DNER: variants seen among roughly 807,000 people sequenced by gnomAD.
DNER encodes delta/notch like EGF repeat containing, also known as delta and Notch-like epidermal growth factor-related receptor.
In DNER, 33 loss-of-function variants were observed where a neutral mutation model predicts 78.2. The observed-to-expected ratio is 0.42, with a 90% CI of 0.32 to 0.56. DNER has a LOEUF of 0.56. Ranked by LOEUF, DNER falls within the 20% of genes least tolerant of loss-of-function variation. DNER has a pLI of 0.11. For synonymous variants in DNER, 417 were observed against 384.8 expected (o/e 1.08, Z -0.98); for missense variants, 918 against 975.3 (o/e 0.94, Z 0.78).
Position 229,714,247 on chromosome 2 carries a change from G to A in DNER, c.177C>T (p.Cys59=). 2.1e-6 allele frequency: 3 copies of A among 1,419,768 alleles called. No individual in the cohort carries two copies. Among genetic ancestry groups the A allele is most frequent in the Non-Finnish European group, 2.8e-6 (3 of 1,089,312 alleles). The allele number at this position is 1,419,768 out of a possible 1,614,324, so 87.9% of individuals were successfully genotyped here. ...GCGGGTCCGGCTCAGGGCGCGAGGT[G>A]CACACACCCCCATTCCGGCAGGGCT... ...AAQPCRNGGV[C]TSRPEPDPQH... Residue 59 remains cysteine, a synonymous_variant, in exon 1 of 13, where the codon TGC becomes TGT. Coordinates refer to ENST00000341772, the MANE Select transcript of DNER (RefSeq NM_139072.4).
intron 5 of DNER, among the ~76,000 whole-genome samples, chr2:229,530,125 T>A (rs542091335): frequency 1.4e-4 from 22 of 151,966 alleles, no homozygotes; most frequent in African/African-American, 4.6e-4. Flanking sequence ...CAAAAAAAAA[T>A]TTTAAGTTTT....
chr2:229,681,827 A>AAC (rs72248647), intron 1 of DNER, among the ~76,000 whole-genome samples: 13,270 of 144,300 alleles, frequency 0.092, 625 homozygotes, highest in Admixed American at 0.096. Context: ...CTCTGCCTAA[A>AAC]ACACACACAC....
rs1408674008 is a variant in DNER, at chr2:229,514,129, T to A, written c.994-1193A>T. On this transcript the variant is annotated intron_variant, in intron 5 of 12. Transcript: ENST00000341772. ...AAATTTACTCCTGAATATTTATGTT[T>A]TTGTAGCTATTGATAATGAAATATC... 2.6e-5 allele frequency among the ~76,000 whole-genome samples: 4 copies of A among 152,216 alleles called. No individual in the cohort carries two copies. The East Asian group carries it at 7.7e-4, about 29-fold the overall frequency.
chr2:229,422,316 G>C (rs149523702), intron 8 of DNER, among the ~76,000 whole-genome samples: 70 of 152,298 alleles, frequency 4.6e-4, no homozygotes, highest in Non-Finnish European at 9.3e-4. Flanking sequence ...AAAAAATTAG[G>C]CTAATCCAAA....
chr2:229,450,124 C>T (rs1406843065), intron 7 of DNER, among the ~76,000 whole-genome samples: 1 of 152,148 alleles, frequency 6.6e-6, no homozygotes, highest in Non-Finnish European at 1.5e-5. Flanking sequence ...TTTTGTTCCT[C>T]CAGAAGAACT....
intron 1 of DNER, among the ~76,000 whole-genome samples, chr2:229,617,590 T>G (rs1698187863): frequency 6.6e-6 from 1 of 152,242 alleles, no homozygotes; most frequent in Non-Finnish European, 1.5e-5. Context: ...GTAAGTCATT[T>G]ATTTCCATAC....
intron 11 of DNER, among the ~76,000 whole-genome samples, chr2:229,382,665 TA>T (rs2106333183): frequency 6.6e-6 from 1 of 151,598 alleles, no homozygotes; most frequent in African/African-American, 2.4e-5. Flanking sequence ...AGAAAGGATA[TA>T]AGAGACTGAA....
chr2:229,565,151 G>T (rs1022291194), intron 4 of DNER, among the ~76,000 whole-genome samples: 1 of 152,160 alleles, frequency 6.6e-6, no homozygotes, highest in Non-Finnish European at 1.5e-5. Context: ...GTCCTAAGTG[G>T]AACTTAGAAT....
intron 1 of DNER, among the ~76,000 whole-genome samples, chr2:229,642,663 T>C (rs1423135806): frequency 2.6e-5 from 4 of 152,116 alleles, no homozygotes; most frequent in Admixed American, 1.3e-4. Context: ...TGTAAGGAGA[T>C]TGTGTAAAAA....
chr2:229,651,152 G>T lies in DNER; in HGVS notation c.277-59264C>A, dbSNP rs560748430. 1.9e-3 allele frequency among the ~76,000 whole-genome samples: 286 copies of T among 152,296 alleles called. 7 individuals carry two copies. The highest frequency in any genetic ancestry group is 2.5e-3 in the Non-Finnish European group (169 of 68,024). On this transcript the variant is annotated intron_variant, in intron 1 of 12. Transcript: ENST00000341772. ...CATCCCAGGAAAGGACCATTCACTG[G>T]TTACTGCTTCCCAGAGCCTCCCTGA...
chr2:229,657,287 T>A (rs1698928897), intron 1 of DNER, among the ~76,000 whole-genome samples: 1 of 152,198 alleles, frequency 6.6e-6, no homozygotes, highest in Admixed American at 6.5e-5. Context: ...GTCCTCCAGG[T>A]TCATCCATGT....
chr2:229,505,730 C>T (rs141528910), intron 6 of DNER, among the ~76,000 whole-genome samples: 29 of 152,304 alleles, frequency 1.9e-4, no homozygotes, highest in Non-Finnish European at 3.7e-4. Flanking sequence ...AAATTATACA[C>T]GTTTCAAGAA....
chr2:229,646,283 G>T (rs1698716916), intron 1 of DNER, among the ~76,000 whole-genome samples: 1 of 152,106 alleles, frequency 6.6e-6, no homozygotes, highest in South Asian at 2.1e-4. Context: ...ATATTGCTTG[G>T]ATTGCCAAGA....
chr2:229,432,863 C>T (rs957232101), intron 8 of DNER, among the ~76,000 whole-genome samples: 132 of 152,216 alleles, frequency 8.7e-4, no homozygotes, highest in Non-Finnish European at 1.5e-3. Flanking sequence ...CTCACAAATG[C>T]GGGGAAATGG....
intron 5 of DNER, among the ~76,000 whole-genome samples, chr2:229,532,344 C>G (rs1055779892): frequency 1.1e-4 from 16 of 152,138 alleles, no homozygotes; most frequent in African/African-American, 2.9e-4. Flanking sequence ...CCCACCTCCC[C>G]AGGTGCCAGT....
intron 6 of DNER, among the ~76,000 whole-genome samples, chr2:229,509,818 AATAAAATAAAAT>A (rs1282019405): frequency 3.9e-5 from 6 of 152,216 alleles, no homozygotes; most frequent in Non-Finnish European, 7.3e-5. Context: ...TCTGTCTCAA[AATAAAATAAAAT>A]ATAAAATAAA....
At chr2:229,597,098 C>T (rs10169793) in intron 1 of DNER, among the ~76,000 whole-genome samples, 1 of 62,336 alleles carries the variant, frequency 1.6e-5, no homozygotes, top group African/African-American at 4.9e-5. Context: ...CATGCACACA[C>T]ACATGCACAC....
intron 9 of DNER, among the ~76,000 whole-genome samples, chr2:229,412,354 A>G (rs1056578531): frequency 6.6e-6 from 1 of 152,230 alleles, no homozygotes; most frequent in South Asian, 2.1e-4. Context: ...TGTGTTAAAC[A>G]GTAGTTCTAA....
At chr2:229,640,877 T>C (rs1698608038) in intron 1 of DNER, among the ~76,000 whole-genome samples, 1 of 152,118 alleles carries the variant, frequency 6.6e-6, no homozygotes, top group African/African-American at 2.4e-5. Flanking sequence ...AACACTGAGT[T>C]GCGGTTCGGC....
Sources: allele counts gnomAD v4.1 joint callset (sites outside exome capture counted in the v4.1 genomes callset), GRCh38; gene constraint gnomAD v4.1.1; transcripts MANE v1.5; gene names NCBI Gene and HGNC (gene_info 2026-07-23, HGNC 2026-07-21).